The following LHFPL2 variants were observed in gnomAD, a reference collection of about 807,000 sequenced individuals.
The protein encoded by LHFPL2 is LHFPL tetraspan subfamily member 2.
LHFPL2 carries 7 observed loss-of-function variants against 17.5 expected under a neutral mutation model. The ratio of observed to expected loss-of-function variants is 0.40; its 90% CI spans 0.23 to 0.75. The LOEUF is 0.75. LHFPL2 is among the 30% of genes least tolerant of loss of function. The probability of loss-of-function intolerance (pLI) is 0.37; values close to 1 mark genes in which losing one functional copy is unlikely to be tolerated. For missense variants in LHFPL2, 241 were observed against 294.8 expected, an observed-to-expected ratio of 0.82 and a Z score of 1.34; for synonymous variants, 134 against 116.2, an observed-to-expected ratio of 1.15 and a Z score of -0.99.
chr5:78,579,754 T>C (rs1312003517), intron 2 of LHFPL2, among the ~76,000 whole-genome samples: 4 of 152,208 alleles, frequency 2.6e-5, no homozygotes, highest in Non-Finnish European at 5.9e-5. Context: ...TGTTGGACAT[T>C]TGGGTTGGTT....
chr5:78,567,788 G>A (rs1756897158), intron 2 of LHFPL2, among the ~76,000 whole-genome samples: 1 of 152,044 alleles, frequency 6.6e-6, no homozygotes, highest in African/African-American at 2.4e-5. Context: ...ACTATATAAT[G>A]CAAGCAGGAG....
At position 78,602,594 on chromosome 5, in the gene LHFPL2, A is replaced by G. The variant is rs59706924; in HGVS notation, c.-245+29670T>C. On this transcript the variant is annotated intron_variant, in intron 2 of 4. Coordinates refer to ENST00000380345, the MANE Select transcript of LHFPL2 (RefSeq NM_005779.3). ...TGAGTCTGACTCACAGGGACCCTTC[A>G]CCATCAACATCAATTCGTATAGAAA... Among the ~76,000 whole-genome samples the G allele has an allele frequency of 8.4e-3, 1,273 of 152,326 alleles. 15 individuals are homozygous for G. The highest frequency in any genetic ancestry group is 0.027 in the African/African-American group (1,136 of 41,572).
chr5:78,627,035 C>T (rs1284864977), intron 2 of LHFPL2, among the ~76,000 whole-genome samples: 1 of 151,914 alleles, frequency 6.6e-6, no homozygotes, highest in African/African-American at 2.4e-5. Context: ...GAGCCGAGAT[C>T]GCACCACTGC....
intron 4 of LHFPL2, among the ~76,000 whole-genome samples, chr5:78,497,138 G>A (rs1754631193): frequency 6.6e-6 from 1 of 152,196 alleles, no homozygotes; most frequent in African/African-American, 2.4e-5. Flanking sequence ...GCAGGCCAGA[G>A]ACCTTGCTAT....
At chr5:78,641,946 C>T (rs1745681604) in intron 1 of LHFPL2, 1 of 152,052 alleles carries the variant, frequency 6.6e-6, no homozygotes, top group African/African-American at 2.4e-5. Context: ...CACATATATG[C>T]TCAAGCTGCT....
chr5:78,499,915 A>G (rs2112303308), intron 4 of LHFPL2, among the ~76,000 whole-genome samples: 1 of 152,336 alleles, frequency 6.6e-6, no homozygotes, highest in East Asian at 1.9e-4. Context: ...AAGCCTAATG[A>G]ACAGGTCAGA....
chr5:78,617,242 C>G (rs1459873478), intron 2 of LHFPL2, among the ~76,000 whole-genome samples: 1 of 151,998 alleles, frequency 6.6e-6, no homozygotes, highest in East Asian at 1.9e-4. Flanking sequence ...GTTGGCCAGG[C>G]TGGTCTCAAA....
At position 78,648,206 on chromosome 5, in the gene LHFPL2, G is replaced by A. The variant is rs554392195; in HGVS notation, c.-350+293C>T. On this transcript the variant is annotated intron_variant, in intron 1 of 4. Transcript: ENST00000380345. This position sits in a 1 kb window ranked among gnomAD's most constrained non-coding sequence, Gnocchi z 5.4. Reference sequence around the variant, plus strand: ...AGCAGGGCTCGCGCCGGCTTCCCGAGGAGACGCTGTTCCCGGCACAACTTT... The same window carrying A: ...AGCAGGGCTCGCGCCGGCTTCCCGAAGAGACGCTGTTCCCGGCACAACTTT... Among the ~76,000 whole-genome samples, 1 of 152,236 alleles carries A rather than the reference G, an allele frequency of 6.6e-6. No individual in the cohort carries two copies. The highest frequency in any genetic ancestry group is 2.4e-5 in the African/African-American group (1 of 41,574).
intron 4 of LHFPL2, among the ~76,000 whole-genome samples, chr5:78,500,174 CT>C (rs755980764): frequency 1.3e-5 from 2 of 152,206 alleles, no homozygotes; most frequent in Non-Finnish European, 2.9e-5. Flanking sequence ...AGAAAGCCAT[CT>C]GTAGCCAATT....
intron 2 of LHFPL2, among the ~76,000 whole-genome samples, chr5:78,608,837 CAGG>C (rs1295714455): frequency 6.0e-5 from 9 of 151,056 alleles, no homozygotes; most frequent in East Asian, 5.9e-4. Context: ...GAGGCTGAAG[CAGG>C]AGAATAGCAT....
rs1024074282 is a variant in LHFPL2, at chr5:78,579,677, A to G, written c.-244-14806T>C. ...TCCCTACAAAGGACATGAACTCATCATTTTTTATGGCTGCATAGTATTCCA... is the reference window on the plus strand; with the variant it reads ...TCCCTACAAAGGACATGAACTCATCGTTTTTTATGGCTGCATAGTATTCCA... On this transcript the variant is annotated intron_variant, in intron 2 of 4. Transcript: ENST00000380345. Among the ~76,000 whole-genome samples, 4 of 152,170 alleles carry G rather than the reference A, an allele frequency of 2.6e-5. No homozygotes were observed. The East Asian group carries it at 7.7e-4, about 29-fold the overall frequency.
intron 2 of LHFPL2, among the ~76,000 whole-genome samples, chr5:78,614,533 A>G (rs1269384358): frequency 6.6e-6 from 1 of 152,242 alleles, no homozygotes; most frequent in African/African-American, 2.4e-5. Context: ...ACATAAACCT[A>G]CTGTTTCTAT....
intron 3 of LHFPL2, among the ~76,000 whole-genome samples, chr5:78,518,012 C>T (rs923793350): frequency 2.6e-5 from 4 of 152,188 alleles, no homozygotes; most frequent in Non-Finnish European, 5.9e-5. Flanking sequence ...CTAAGGTAGA[C>T]ATTAAAATCT....
At chr5:78,544,692 T>G (rs1756216027) in intron 3 of LHFPL2, among the ~76,000 whole-genome samples, 2 of 151,984 alleles carry the variant, frequency 1.3e-5, no homozygotes, top group African/African-American at 4.8e-5. Context: ...TCAGGCCACC[T>G]TGGTGGGAAA....
intron 4 of LHFPL2, among the ~76,000 whole-genome samples, chr5:78,504,345 C>T (rs1254369290): frequency 6.6e-6 from 1 of 152,188 alleles, no homozygotes; most frequent in Non-Finnish European, 1.5e-5. Flanking sequence ...TGAGGCAGGG[C>T]TCCATGTGTG....
intron 3 of LHFPL2, among the ~76,000 whole-genome samples, chr5:78,546,970 C>T (rs1011607236): frequency 1.3e-5 from 2 of 151,650 alleles, no homozygotes; most frequent in African/African-American, 4.9e-5. Context: ...TGACAAACAA[C>T]CCCAGTTCTG....
chr5:78,503,495 G>A (rs568511911), intron 4 of LHFPL2, among the ~76,000 whole-genome samples: 9 of 152,246 alleles, frequency 5.9e-5, no homozygotes, highest in South Asian at 4.1e-4. Context: ...TCAGGAGTAC[G>A]AGACCAGCCT....
At chr5:78,622,621 G>A (rs912577546) in intron 2 of LHFPL2, among the ~76,000 whole-genome samples, 6 of 152,160 alleles carry the variant, frequency 3.9e-5, no homozygotes, top group Non-Finnish European at 4.4e-5. Context: ...AATGCAGCTG[G>A]GAGGGGCTGT....
chr5:78,598,835 A>G (rs777363986), intron 2 of LHFPL2, among the ~76,000 whole-genome samples: 4 of 152,234 alleles, frequency 2.6e-5, no homozygotes, highest in Non-Finnish European at 5.9e-5. Flanking sequence ...TGATTGGTCA[A>G]TAACTGCATG....
Sources: allele counts gnomAD v4.1 joint callset (sites outside exome capture counted in the v4.1 genomes callset), GRCh38; gene constraint gnomAD v4.1.1; non-coding constraint Gnocchi (gnomAD v3.1); transcripts MANE v1.5; gene names NCBI Gene and HGNC (gene_info 2026-07-23, HGNC 2026-07-21).